TERF2IP: variants seen among roughly 807,000 people sequenced by gnomAD.
The protein encoded by TERF2IP is TERF2 interacting protein.
Under a neutral mutation model 33.3 loss-of-function variants are expected in TERF2IP, and 35 were observed. The ratio of observed to expected loss-of-function variants is 1.05; its 90% confidence interval spans 0.80 to 1.39. The LOEUF is 1.39. Among genes scored for constraint, TERF2IP ranks in the 40% most tolerant of loss-of-function variants. TERF2IP has a pLI of 0.00. For synonymous variants in TERF2IP, 253 were observed against 223.2 expected (o/e 1.13, Z -1.19); for missense variants, 583 against 524.8 (o/e 1.11, Z -1.08).
chr16:75,653,631 C>T (rs2082362942), intron 1 of TERF2IP, among the ~76,000 whole-genome samples: 1 of 152,144 alleles, frequency 6.6e-6, no homozygotes, highest in African/African-American at 2.4e-5. Context: ...TGGTACGTGG[C>T]CCAGATCTGC....
chr16:75,648,290 C>T lies in TERF2IP; in HGVS notation c.408C>T (p.Phe136=). The T allele has an allele frequency of 1.3e-6, 2 of 1,552,960 alleles. No homozygotes were observed. Among genetic ancestry groups the T allele is most frequent in the South Asian group, 2.4e-5 (2 of 84,268 alleles). ...EPQRHAGRIA[F]TDADDVAILT... ...AGCGGCACGCCGGGCGGATCGCCTTCACGGATGCGGACGACGTAGCCATCC... is the reference window on the plus strand; with the variant it reads ...AGCGGCACGCCGGGCGGATCGCCTTTACGGATGCGGACGACGTAGCCATCC... Residue 136 remains phenylalanine, a synonymous_variant, in exon 1 of 3, where the codon TTC becomes TTT. Coordinates refer to ENST00000300086, the MANE Select transcript of TERF2IP (RefSeq NM_018975.4).
At chr16:75,651,467 C>T (rs941300794) in intron 1 of TERF2IP, among the ~76,000 whole-genome samples, 4 of 152,098 alleles carry the variant, frequency 2.6e-5, no homozygotes, top group Admixed American at 6.5e-5. Flanking sequence ...GGTGGCAGAC[C>T]ACTTGAGGTC....
In TERF2IP at chr16:75,647,852, G is replaced by T. The variant is rs770404909; in HGVS notation, c.-31G>T. 1 of 1,598,126 alleles carries T rather than the reference G, an allele frequency of 6.3e-7. No individual in the cohort carries two copies. The stretch of plus-strand genomic sequence containing the variant: ...CTGTGTGCCAGGCGCTCGCGAGGGG[G>T]TAGCTCTTCTAGTAGTGCTCGGCGT... On this transcript the variant is annotated 5_prime_UTR_variant, in exon 1 of 3. Transcript: ENST00000300086.
At chr16:75,654,180 G>T in intron 1 of TERF2IP, 93 bp from the exon 2 acceptor site, 1 of 950,728 alleles carries the variant, frequency 1.1e-6, no homozygotes. Flanking sequence ...AAAAGTGCAG[G>T]CTCACTCCTG....
chr16:75,648,895 T>A (rs1218720674), intron 1 of TERF2IP, among the ~76,000 whole-genome samples: 1 of 151,308 alleles, frequency 6.6e-6, no homozygotes, highest in African/African-American at 2.4e-5. Flanking sequence ...GGGGGCTCGC[T>A]CCGTCGCCCA....
At chr16:75,654,430 C>G in intron 2 of TERF2IP, 33 bp downstream of exon 2, 1 of 1,601,178 alleles carries the variant, frequency 6.2e-7, no homozygotes, top group Non-Finnish European at 8.5e-7. Flanking sequence ...TTATTTTTTT[C>G]CCTACCTTCA....
chr16:75,654,483 C>T (rs924174306), intron 2 of TERF2IP, 86 bp downstream of exon 2: 10 of 1,401,546 alleles, frequency 7.1e-6, no homozygotes, highest in African/African-American at 1.4e-5. Flanking sequence ...TTTTCATCTA[C>T]CTGGGGCTCA....
intron 1 of TERF2IP, among the ~76,000 whole-genome samples, chr16:75,651,501 A>AAC (rs1163209415): frequency 6.6e-6 from 1 of 152,232 alleles, no homozygotes; most frequent in African/African-American, 2.4e-5. Context: ...CAGCCTGGCC[A>AAC]ACATGATGAA....
intron 1 of TERF2IP, chr16:75,648,755 CTG>C: frequency 7.2e-7 from 1 of 1,392,164 alleles, no homozygotes; most frequent in Non-Finnish European, 9.4e-7. Context: ...CGATGGGTCT[CTG>C]TTACCTAAGC....
chr16:75,652,628 T>C (rs763883711), intron 1 of TERF2IP, among the ~76,000 whole-genome samples: 2 of 152,238 alleles, frequency 1.3e-5, no homozygotes, highest in South Asian at 2.1e-4. Context: ...TATTTAAGAA[T>C]TTTATTAAAT....
Position 75,648,320 on chromosome 16 carries a change from C to G in TERF2IP, c.438C>G (p.Thr146=). The G allele has an allele frequency of 1.3e-6, 2 of 1,567,850 alleles. No individual in the cohort carries two copies. The highest frequency in any genetic ancestry group is 1.9e-5 in the Admixed American group (1 of 52,394). The part of the protein sequence containing the change: ...FTDADDVAIL[T]YVKENARSPS... ...ATGCGGACGACGTAGCCATCCTTAC[C>G]TACGTGAAGGAAAATGCCCGCTCGC... Residue 146 remains threonine, a synonymous_variant, in exon 1 of 3, where the codon ACC becomes ACG. Transcript: ENST00000300086.
intron 2 of TERF2IP, 70 bp downstream of exon 2, chr16:75,654,467 A>G: frequency 1.3e-6 from 2 of 1,512,796 alleles, no homozygotes; most frequent in Non-Finnish European, 9.0e-7. Flanking sequence ...GTTATCCTGT[A>G]CACCTTTTTC....
chr16:75,649,200 C>T (rs1178080815), intron 1 of TERF2IP, among the ~76,000 whole-genome samples: 2 of 152,160 alleles, frequency 1.3e-5, no homozygotes, highest in Admixed American at 1.3e-4. Flanking sequence ...TTACCATTGA[C>T]TAGAATATTG....
At chr16:75,655,537 G>C (rs1176635074) in intron 2 of TERF2IP, among the ~76,000 whole-genome samples, 3 of 152,316 alleles carry the variant, frequency 2.0e-5, no homozygotes, top group Admixed American at 2.0e-4. Context: ...GGAATTGGCA[G>C]GATTTAGGGA....
rs1386580302 is a variant in TERF2IP, at chr16:75,648,717, C to G, written c.670+165C>G. The G allele has an allele frequency of 2.3e-5, 33 of 1,430,368 alleles. No homozygotes were observed. The East Asian group carries it at 7.5e-4, about 33-fold the overall frequency. 88.6% of individuals were successfully genotyped at this position (1,430,368 alleles called of 1,614,324 possible). On this transcript the variant is annotated intron_variant, in intron 1 of 2. Coordinates refer to ENST00000300086, the MANE Select transcript of TERF2IP (RefSeq NM_018975.4). ...CACCATTTTCTTGCCTTCTCGCTCC[C>G]TTGTTGTTTATTATTGTTCTTTTTT...
intron 1 of TERF2IP, among the ~76,000 whole-genome samples, chr16:75,650,599 G>A (rs1287625606): frequency 2.0e-5 from 3 of 152,210 alleles, no homozygotes; most frequent in East Asian, 1.9e-4. Flanking sequence ...GCGGTAGTGC[G>A]ATCACGGCTC....
intron 1 of TERF2IP, among the ~76,000 whole-genome samples, chr16:75,651,908 AT>A (rs2082350311): frequency 6.6e-6 from 1 of 151,990 alleles, no homozygotes; most frequent in Non-Finnish European, 1.5e-5. Flanking sequence ...AGGAGATGTT[AT>A]ACTTTATCTA....
rs527813846 is a variant in TERF2IP at position 75,647,791 on chromosome 16, A to C, written c.-92A>C. On this transcript the variant is annotated 5_prime_UTR_variant, in exon 1 of 3. Transcript: ENST00000300086. ...CAGGCCCAGTGCTGCGCTTCGCGGCAGAGGCGTCTGCGGTGACAGCTCAGT... is the reference window on the plus strand; with the variant it reads ...CAGGCCCAGTGCTGCGCTTCGCGGCCGAGGCGTCTGCGGTGACAGCTCAGT... The C allele has an allele frequency of 2.5e-6, 4 of 1,583,474 alleles. No individual in the cohort carries two copies. In the African/African-American group the frequency reaches 4.0e-5, roughly 16 times the overall value.
rs2151815932 is a variant in TERF2IP, at chr16:75,648,275, C to G, written c.393C>G (p.Ala131=). ...GAAEPEPQRH[A]GRIAFTDADD... is the part of the protein sequence containing the mutation. ...CGGAGCCGGAGCCGCAGCGGCACGC[C>G]GGGCGGATCGCCTTCACGGATGCGG... The change falls in exon 1 of 3, where the codon GCC becomes GCG. Residue 131 remains alanine, a synonymous_variant. Coordinates refer to ENST00000300086, the MANE Select transcript of TERF2IP (RefSeq NM_018975.4). 1 of 1,549,728 alleles carries G rather than the reference C, an allele frequency of 6.5e-7. No homozygotes were observed. The highest frequency in any genetic ancestry group is 8.7e-7 in the Non-Finnish European group (1 of 1,146,272).
Sources: allele counts gnomAD v4.1 joint callset (sites outside exome capture counted in the v4.1 genomes callset), GRCh38; gene constraint gnomAD v4.1.1; transcripts MANE v1.5; gene names NCBI Gene and HGNC (gene_info 2026-07-23, HGNC 2026-07-21).